Variants in KIAA1549L observed in about 807,000 individuals in gnomAD.
The protein encoded by KIAA1549L is KIAA1549 like, also known as UPF0606 protein KIAA1549L.
Under a neutral mutation model 160.7 loss-of-function variants are expected in KIAA1549L, and 88 were observed. The observed-to-expected ratio is 0.55, with a 90% CI of 0.46 to 0.65. The LOEUF is 0.65. Among genes scored for constraint, KIAA1549L ranks in the 30% least tolerant of loss-of-function variants. The pLI, the probability that KIAA1549L is intolerant of heterozygous loss-of-function variation, is 0.00. For synonymous variants in KIAA1549L, 950 were observed against 976.7 expected (o/e 0.97, Z 0.51); for missense variants, 2,258 against 2,437.5 (o/e 0.93, Z 1.55).
intron 1 of KIAA1549L, among the ~76,000 whole-genome samples, chr11:33,436,690 G>A (rs1228866402): frequency 6.6e-6 from 1 of 152,220 alleles, no homozygotes. Flanking sequence ...TTAACAACTT[G>A]TTCAAGGTCA....
Position 33,542,939 on chromosome 11 carries a change from G to T in KIAA1549L, c.1376G>T (p.Gly459Val). 1 of 1,614,062 alleles carries T rather than the reference G, an allele frequency of 6.2e-7. No homozygotes were observed. The highest frequency in any genetic ancestry group is 8.5e-7 in the Non-Finnish European group (1 of 1,179,894). Reference sequence around the variant, plus strand: ...TCAGCAGCTCCAGAGAATTCCAGAGGGCCCGCCCTTTCGGCAGAACACACC... The same window carrying T: ...TCAGCAGCTCCAGAGAATTCCAGAGTGCCCGCCCTTTCGGCAGAACACACC... ...HLSAAPENSR[G>V]PALSAEHTSS... The change falls in exon 2 of 21, where the codon GGG becomes GTG. Residue 459 changes from glycine to valine, a missense_variant. By Grantham distance (109) the Gly-to-Val change is moderately radical. Around this residue, in one of 6 missense-constraint regions of KIAA1549L, gnomAD observed 540 missense variants for 465.7 expected, o/e 1.16. Coordinates refer to ENST00000658780, the MANE Select transcript of KIAA1549L (RefSeq NM_012194.3).
intron 3 of KIAA1549L, among the ~76,000 whole-genome samples, 160 bp from the exon 4 acceptor site, chr11:33,547,604 C>A (rs7942091): frequency 0.02 from 3,010 of 152,288 alleles, 101 homozygotes; most frequent in African/African-American, 0.068. Context: ...TTAGCGGGAC[C>A]CACAGAGCTA....
chr11:33,587,179 A>G (rs1486467342), intron 11 of KIAA1549L, among the ~76,000 whole-genome samples: 1 of 152,182 alleles, frequency 6.6e-6, no homozygotes, highest in African/African-American at 2.4e-5. Flanking sequence ...TTTTATTGTT[A>G]CCCATGCTTT....
intron 1 of KIAA1549L, among the ~76,000 whole-genome samples, chr11:33,430,553 G>A (rs1851217625): frequency 6.6e-6 from 1 of 152,154 alleles, no homozygotes; most frequent in South Asian, 2.1e-4. Context: ...AAATATTTTT[G>A]CAGAGTTTCA....
chr11:33,633,963 C>T (rs1851371516), intron 16 of KIAA1549L, among the ~76,000 whole-genome samples: 1 of 152,180 alleles, frequency 6.6e-6, no homozygotes, highest in Non-Finnish European at 1.5e-5. Flanking sequence ...TGAACATTAG[C>T]TATTATAACT....
chr11:33,469,390 T>G (rs912819856), intron 1 of KIAA1549L, among the ~76,000 whole-genome samples: 1 of 152,132 alleles, frequency 6.6e-6, no homozygotes, highest in Non-Finnish European at 1.5e-5. Flanking sequence ...CTGAATACTA[T>G]GAATATAATG....
intron 1 of KIAA1549L, among the ~76,000 whole-genome samples, chr11:33,523,028 T>C (rs749812236): frequency 1.2e-4 from 19 of 152,214 alleles, no homozygotes; most frequent in Non-Finnish European, 2.4e-4. Flanking sequence ...TGGTAAGATA[T>C]AATCTGAAAT....
At chr11:33,600,225 G>A (rs1037405478) in intron 13 of KIAA1549L, among the ~76,000 whole-genome samples, 3 of 152,192 alleles carry the variant, frequency 2.0e-5, no homozygotes, top group Non-Finnish European at 4.4e-5. Context: ...CATCAGAAAT[G>A]GGGTGTGACC....
At chr11:33,612,716 C>G (rs575089887) in intron 15 of KIAA1549L, among the ~76,000 whole-genome samples, 1 of 152,140 alleles carries the variant, frequency 6.6e-6, no homozygotes, top group Non-Finnish European at 1.5e-5. Context: ...GGTATTAAAC[C>G]TATTAGCCAA....
chr11:33,568,271 T>A (rs1209780116), intron 9 of KIAA1549L, 44 bp downstream of exon 9: 2 of 1,503,850 alleles, frequency 1.3e-6, no homozygotes, highest in African/African-American at 1.4e-5. Context: ...TAACTGGGGG[T>A]AGAGGGGGGG....
Position 33,504,431 on chromosome 11 carries a change from T to TTTCCC in KIAA1549L, c.239-37343_239-37339dup, listed in dbSNP as rs562710568. Among the ~76,000 whole-genome samples the TTTCCC allele has an allele frequency of 6.0e-3, 898 of 150,684 alleles. 11 individuals carry two copies. Among genetic ancestry groups the TTTCCC allele is most frequent in the African/African-American group, 0.018 (744 of 40,826 alleles). On this transcript the variant is annotated intron_variant, in intron 1 of 20. Transcript: ENST00000658780. ...CCAATCAAATAGGTATCATTGCAGA[T>TTTCCC]TTCCCTTCCCTTCCCTTCCCTTCCC... is the stretch of plus-strand genomic sequence containing the variant.
intron 1 of KIAA1549L, among the ~76,000 whole-genome samples, chr11:33,540,238 CA>C (rs1853985917): frequency 6.6e-6 from 1 of 152,144 alleles, no homozygotes; most frequent in South Asian, 2.1e-4. Flanking sequence ...TCCTGAGTTA[CA>C]AGGCTATGTA....
intron 16 of KIAA1549L, among the ~76,000 whole-genome samples, chr11:33,638,433 A>AAAAATAAAT (rs1554927328): frequency 2.7e-5 from 1 of 37,656 alleles, no homozygotes; most frequent in East Asian, 1.2e-3. Context: ...AAAAAAAAAA[A>AAAAATAAAT]AAATAAATAA....
chr11:33,413,741 G>A (rs1850830529), intron 1 of KIAA1549L, among the ~76,000 whole-genome samples: 1 of 152,116 alleles, frequency 6.6e-6, no homozygotes, highest in African/African-American at 2.4e-5. Context: ...CAAAGAAAGT[G>A]ACAATTATAA....
chr11:33,559,707 AT>A, intron 6 of KIAA1549L, 41 bp from the exon 7 acceptor site: 1 of 1,583,706 alleles, frequency 6.3e-7, no homozygotes. Context: ...CCCTGGTCTT[AT>A]TTGGCCTGTC....
At chr11:33,506,078 G>T (rs897373599) in intron 1 of KIAA1549L, among the ~76,000 whole-genome samples, 1 of 152,214 alleles carries the variant, frequency 6.6e-6, no homozygotes, top group African/African-American at 2.4e-5. Context: ...CAGCTTAAAA[G>T]TGGCAGAGCC....
intron 15 of KIAA1549L, among the ~76,000 whole-genome samples, chr11:33,617,133 CAAAA>C (rs59233344): frequency 3.3e-5 from 3 of 89,580 alleles, no homozygotes; most frequent in Non-Finnish European, 4.9e-5. Context: ...GAGATTCTAT[CAAAA>C]AAAAAAAAAA....
chr11:33,379,556 T>G (rs1189145404), intron 1 of KIAA1549L, among the ~76,000 whole-genome samples: 1 of 152,134 alleles, frequency 6.6e-6, no homozygotes, highest in East Asian at 1.9e-4. Context: ...GAGCTCAAAT[T>G]TGACTTCACT....
chr11:33,563,380 G>C (rs562587307), intron 8 of KIAA1549L, among the ~76,000 whole-genome samples: 13 of 151,326 alleles, frequency 8.6e-5, no homozygotes, highest in African/African-American at 1.5e-4. Flanking sequence ...AATTGGAAGT[G>C]GGGGGACACA....
Sources: allele counts gnomAD v4.1 joint callset (sites outside exome capture counted in the v4.1 genomes callset), GRCh38; gene constraint gnomAD v4.1.1; regional missense constraint gnomAD v4.1.1; transcripts MANE v1.5; gene names NCBI Gene and HGNC (gene_info 2026-07-23, HGNC 2026-07-21).